ALDH3A2: variants seen among roughly 807,000 people sequenced by gnomAD.
ALDH3A2 encodes aldehyde dehydrogenase family 3 member A2.
A neutral mutation model predicts 51.3 loss-of-function variants in ALDH3A2; 36 were observed. That is an observed-to-expected ratio of 0.70 (90% confidence interval 0.54 to 0.93). ALDH3A2 has a LOEUF of 0.93. ALDH3A2 is among the 40% of genes least tolerant of loss of function. The pLI is 0.00. For missense variants in ALDH3A2, 552 were observed against 603.1 expected (o/e 0.92, Z 0.89); for synonymous variants, 199 against 219.8 (o/e 0.91, Z 0.84).
intron 6 of ALDH3A2, among the ~76,000 whole-genome samples, chr17:19,663,016 C>T (rs1287861631): frequency 1.3e-5 from 2 of 151,986 alleles, no homozygotes; most frequent in African/African-American, 4.8e-5. Flanking sequence ...AAAAAAAAAA[C>T]CTGTCCACAG....
At chr17:19,667,615 G>A (rs2085056649) in intron 8 of ALDH3A2, among the ~76,000 whole-genome samples, 1 of 151,982 alleles carries the variant, frequency 6.6e-6, no homozygotes, top group African/African-American at 2.4e-5. Context: ...CTGGAGTGCA[G>A]TGGTGTGATC....
chr17:19,653,331 C>T (rs976835217), intron 3 of ALDH3A2, among the ~76,000 whole-genome samples: 1 of 152,134 alleles, frequency 6.6e-6, no homozygotes, highest in African/African-American at 2.4e-5. Context: ...AGGTGTGAGC[C>T]ACCATGCCCA....
intron 7 of ALDH3A2, 76 bp downstream of exon 7, chr17:19,663,575 G>T: frequency 6.6e-7 from 1 of 1,510,524 alleles, no homozygotes. Context: ...GTAAAACAAT[G>T]CAAAAAACAA....
At chr17:19,667,105 T>C (rs2085049044) in intron 8 of ALDH3A2, among the ~76,000 whole-genome samples, 1 of 152,218 alleles carries the variant, frequency 6.6e-6, no homozygotes, top group African/African-American at 2.4e-5. Context: ...ATAACTGGTA[T>C]ATGTCTTGCA....
At chr17:19,653,977 A>G (rs1334064280) in intron 3 of ALDH3A2, among the ~76,000 whole-genome samples, 1 of 152,192 alleles carries the variant, frequency 6.6e-6, no homozygotes, top group Non-Finnish European at 1.5e-5. Context: ...AAGTTCTCCA[A>G]GTCCCCACTA....
Position 19,649,046 on chromosome 17 carries a change from G to A in ALDH3A2, c.75G>A (p.Gln25=), listed in dbSNP as rs767626910. The A allele has an allele frequency of 6.3e-7, 1 of 1,583,560 alleles. No homozygotes were observed. The highest frequency in any genetic ancestry group is 2.3e-5 in the East Asian group (1 of 43,584). ...CGCGACCTCTGCGGTTTCGGCTGCA[G>A]CAGCTGGAGGCCCTGCGGAGGATGG... ...GRSRPLRFRL[Q]QLEALRRMVQ... is the part of the protein sequence containing the mutation. The change falls in exon 1 of 10, where the codon CAG becomes CAA. Residue 25 remains glutamine (Q), a synonymous_variant. Transcript: ENST00000176643.
intron 5 of ALDH3A2, among the ~76,000 whole-genome samples, chr17:19,658,835 A>G (rs532499508): frequency 1.3e-5 from 2 of 152,192 alleles, no homozygotes; most frequent in Non-Finnish European, 2.9e-5. Flanking sequence ...AACCCCTCAG[A>G]TGAAAGAAAT....
rs560904072 is a variant in ALDH3A2, at chr17:19,663,302, A to C, written c.941-31A>C. On this transcript the variant is annotated intron_variant, in intron 6 of 9. Coordinates refer to ENST00000176643, the MANE Select transcript of ALDH3A2 (RefSeq NM_000382.3). ...GAGAGTTGTGCATTTTTGTCTAATA[A>C]GCATTTTCATTTTGTTTATTTTCTT... The C allele has an allele frequency of 3.2e-5, 51 of 1,610,832 alleles. No homozygotes were observed. The South Asian group carries it at 5.0e-4, about 16-fold the overall frequency.
chr17:19,657,912 C>A, intron 5 of ALDH3A2, 50 bp downstream of exon 5: 2 of 1,413,468 alleles, frequency 1.4e-6, no homozygotes, highest in South Asian at 1.2e-5. Context: ...GATAAGGAGT[C>A]AAATTAACTA....
intron 8 of ALDH3A2, among the ~76,000 whole-genome samples, chr17:19,671,166 T>C (rs540898127): frequency 6.6e-6 from 1 of 152,354 alleles, no homozygotes; most frequent in South Asian, 2.1e-4. Context: ...CATCCAGCTG[T>C]GCAACCTTGT....
intron 3 of ALDH3A2, among the ~76,000 whole-genome samples, chr17:19,655,033 A>T (rs1453754625): frequency 5.3e-5 from 8 of 151,976 alleles, no homozygotes. Context: ...AAAGAAAATG[A>T]TCTGCCCAAC....
chr17:19,673,021 A>G (rs950868901), intron 9 of ALDH3A2: 12 of 1,236,788 alleles, frequency 9.7e-6, no homozygotes, highest in Middle Eastern at 1.9e-4. Flanking sequence ...AGCCTGGGCA[A>G]TAGAGCGAGA....
chr17:19,658,086 T>TTTG (rs2084920788), intron 5 of ALDH3A2, among the ~76,000 whole-genome samples: 1 of 152,238 alleles, frequency 6.6e-6, no homozygotes, highest in Non-Finnish European at 1.5e-5. Flanking sequence ...GTCTAGTTGA[T>TTTG]TTGTTGATGA....
At chr17:19,674,482 A>G (rs1465635164) in intron 9 of ALDH3A2, 1 of 152,186 alleles carries the variant, frequency 6.6e-6, no homozygotes, top group African/African-American at 2.4e-5. Context: ...AAGCAGCAAT[A>G]TATAAAACCT....
At chr17:19,656,950 T>C (rs2084905330) in intron 4 of ALDH3A2, among the ~76,000 whole-genome samples, 1 of 152,268 alleles carries the variant, frequency 6.6e-6, no homozygotes, top group Non-Finnish European at 1.5e-5. Flanking sequence ...GAGGGTATTA[T>C]GCTGATATCT....
chr17:19,667,911 G>A (rs1455079420), intron 8 of ALDH3A2, among the ~76,000 whole-genome samples: 2 of 152,184 alleles, frequency 1.3e-5, no homozygotes, highest in Admixed American at 6.5e-5. Flanking sequence ...GATATTTCAA[G>A]TGTCTTTGCA....
intron 8 of ALDH3A2, among the ~76,000 whole-genome samples, chr17:19,666,222 G>A (rs1337660290): frequency 1.3e-5 from 2 of 152,072 alleles, no homozygotes; most frequent in African/African-American, 2.4e-5. Context: ...GTGAATGAGA[G>A]AGGATGACTC....
intron 3 of ALDH3A2, among the ~76,000 whole-genome samples, chr17:19,653,723 T>C (rs1474113800): frequency 6.6e-6 from 1 of 152,148 alleles, no homozygotes; most frequent in Non-Finnish European, 1.5e-5. Flanking sequence ...CAGCAAGATT[T>C]ATTGCAAAGA....
upstream of ALDH3A2, chr17:19,648,713 C>T (rs1295886301): frequency 9.1e-6 from 5 of 548,166 alleles, no homozygotes; most frequent in East Asian, 6.3e-5. Context: ...TCACGTGGGC[C>T]GCCCAGGCCA....
Sources: allele counts gnomAD v4.1 joint callset (sites outside exome capture counted in the v4.1 genomes callset), GRCh38; gene constraint gnomAD v4.1.1; transcripts MANE v1.5; gene names NCBI Gene and HGNC (gene_info 2026-07-23, HGNC 2026-07-21).